Variants in SUCO observed in about 807,000 individuals in gnomAD.
SUCO encodes the protein SUN domain containing ossification factor.
A neutral mutation model predicts 148.1 loss-of-function variants in SUCO; 57 were observed. That is an observed-to-expected ratio of 0.38 (90% CI 0.31 to 0.48). SUCO has a LOEUF of 0.48. SUCO is among the 20% of genes least tolerant of loss of function. The pLI, the probability that SUCO is intolerant of heterozygous loss-of-function variation, is 0.96. For synonymous variants in SUCO, 470 were observed against 502.7 expected, an observed-to-expected ratio of 0.93 and a Z score of 0.87; for missense variants, 1,331 against 1,468.2, an observed-to-expected ratio of 0.91 and a Z score of 1.53.
chr1:172,557,240 T>C, intron 4 of SUCO, 40 bp from the exon 5 acceptor site: 1 of 1,599,514 alleles, frequency 6.3e-7, no homozygotes, highest in African/African-American at 1.3e-5. Flanking sequence ...ACCTCAAGTT[T>C]ATTTAATTAC....
intron 17 of SUCO, among the ~76,000 whole-genome samples, chr1:172,586,484 A>C (rs952203227): frequency 6.6e-6 from 1 of 152,118 alleles, no homozygotes; most frequent in Non-Finnish European, 1.5e-5. Flanking sequence ...TAGGTAATAG[A>C]TATATCTTTT....
chr1:172,534,280 G>A (rs919679579), intron 1 of SUCO, among the ~76,000 whole-genome samples: 4 of 152,156 alleles, frequency 2.6e-5, no homozygotes, highest in African/African-American at 9.7e-5. Flanking sequence ...TAAGTCGAGG[G>A]ACTGCTGTCA....
intron 1 of SUCO, chr1:172,542,861 T>C: frequency 1.0e-6 from 1 of 985,380 alleles, no homozygotes; most frequent in South Asian, 4.7e-5. Context: ...GTCATTTAAG[T>C]GGTCAACAAT....
chr1:172,604,630 C>A (rs1357844240), intron 22 of SUCO, among the ~76,000 whole-genome samples: 1 of 151,724 alleles, frequency 6.6e-6, no homozygotes, highest in Non-Finnish European at 1.5e-5. Flanking sequence ...CGAATGTTTT[C>A]GTCTTGCAAA....
At chr1:172,585,672 T>C (rs1203559278) in intron 16 of SUCO, among the ~76,000 whole-genome samples, 186 bp from the exon 17 acceptor site, 1 of 152,200 alleles carries the variant, frequency 6.6e-6, no homozygotes, top group African/African-American at 2.4e-5. Context: ...TGAGAAACGA[T>C]ATATATTACT....
intron 1 of SUCO, among the ~76,000 whole-genome samples, chr1:172,545,358 C>G (rs2149221697): frequency 6.6e-6 from 1 of 152,200 alleles, no homozygotes. Flanking sequence ...AACTAAAAAC[C>G]ATGAGAGTAC....
intron 19 of SUCO, among the ~76,000 whole-genome samples, chr1:172,591,611 ATCC>A (rs1166337046): frequency 2.0e-5 from 3 of 151,666 alleles, no homozygotes; most frequent in Non-Finnish European, 4.4e-5. Flanking sequence ...ACATGAACTC[ATCC>A]TTTTTTATGG....
In SUCO at chr1:172,610,286, A is replaced by G. The variant is rs746122296; in HGVS notation, c.*27A>G. On this transcript the variant is annotated 3_prime_UTR_variant, in exon 24 of 24. Transcript: ENST00000263688. The stretch of plus-strand genomic sequence containing the variant: ...ATTAATTGAACTTTTCATACAGAAG[A>G]CTTTTTTGTTGTTGTTCTTTGAAGA... 3 of 1,544,376 alleles carry G rather than the reference A, an allele frequency of 1.9e-6. No individual in the cohort carries two copies. Among genetic ancestry groups the G allele is most frequent in the Non-Finnish European group, 2.6e-6 (3 of 1,150,542 alleles).
At chr1:172,582,734 T>TA (rs1304854565) in intron 15 of SUCO, among the ~76,000 whole-genome samples, 8 of 152,232 alleles carry the variant, frequency 5.3e-5, no homozygotes, top group Non-Finnish European at 8.8e-5. Context: ...ACAAAAAAGA[T>TA]ACATTAGGCA....
At chr1:172,590,067 A>C (rs748512064) in intron 18 of SUCO, 141 bp downstream of exon 18, 2 of 655,444 alleles carry the variant, frequency 3.1e-6, no homozygotes, top group East Asian at 3.2e-5. Context: ...AGAGAGAAAG[A>C]AAGCTACTTG....
intron 15 of SUCO, chr1:172,584,374 A>AT (rs1656089404): frequency 5.3e-6 from 5 of 946,278 alleles, no homozygotes; most frequent in Non-Finnish European, 6.3e-6. Context: ...TGGTCATCAC[A>AT]TTTTTTTCCC....
Position 172,589,755 on chromosome 1 carries a change from C to CTGT in SUCO, c.2654_2655insTGT (p.Thr885_Asp886insVal). On this transcript the variant is annotated inframe_insertion, in exon 18 of 24. Coordinates refer to ENST00000263688, the MANE Select transcript of SUCO (RefSeq NM_014283.5). ...TTGAGAGGGTTACAGAGGACAGCTA[C>CTGT]AGATTTTTATGCTGAATTGCAAAAT... 1 of 1,612,162 alleles carries CTGT rather than the reference C, an allele frequency of 6.2e-7. No homozygotes were observed. The highest frequency in any genetic ancestry group is 8.5e-7 in the Non-Finnish European group (1 of 1,179,268).
chr1:172,534,756 T>G (rs929150483), intron 1 of SUCO, among the ~76,000 whole-genome samples: 3 of 152,232 alleles, frequency 2.0e-5, no homozygotes, highest in Non-Finnish European at 2.9e-5. Flanking sequence ...AATTTAAATT[T>G]GTAGATACTG....
Position 172,540,395 on chromosome 1 carries a change from T to TAAAAGAAATAC in SUCO, c.62+6899_62+6909dup, listed in dbSNP as rs373695092. Among the ~76,000 whole-genome samples the TAAAAGAAATAC allele has an allele frequency of 7.2e-3, 1,096 of 152,350 alleles. 7 individuals carry two copies. Among genetic ancestry groups the TAAAAGAAATAC allele is most frequent in the African/African-American group, 0.025 (1,044 of 41,578 alleles). On this transcript the variant is annotated intron_variant, in intron 1 of 23. Coordinates refer to ENST00000263688, the MANE Select transcript of SUCO (RefSeq NM_014283.5). ...ACATTGGAATTGTTCATGAAACTTT[T>TAAAAGAAATAC]AAAAGAAATACGCATACCTAGGATT... is the stretch of plus-strand genomic sequence containing the variant.
chr1:172,566,994 A>G (rs545628956), intron 6 of SUCO, among the ~76,000 whole-genome samples: 5 of 152,182 alleles, frequency 3.3e-5, no homozygotes, highest in Non-Finnish European at 7.4e-5. Context: ...TTTTTCTGCC[A>G]TGTATTGTTT....
Position 172,601,285 on chromosome 1 carries a change from G to T in SUCO, c.3019-779G>T, listed in dbSNP as rs113591411. Among the ~76,000 whole-genome samples, 542 of 152,126 alleles carry T rather than the reference G, an allele frequency of 3.6e-3. 3 individuals are homozygous for T. Among genetic ancestry groups the T allele is most frequent in the African/African-American group, 0.011 (474 of 41,512 alleles). ...TGGTCAGATCACTCGAGGTCAGGAG[G>T]TGGAGACCAGCCTCGCCAACATGAT... is the stretch of plus-strand genomic sequence containing the variant. On this transcript the variant is annotated intron_variant, in intron 20 of 23. Transcript: ENST00000263688.
At chr1:172,575,214 C>T (rs928962715) in intron 10 of SUCO, among the ~76,000 whole-genome samples, 1 of 151,938 alleles carries the variant, frequency 6.6e-6, no homozygotes, top group Non-Finnish European at 1.5e-5. Context: ...AGCTGTGCCA[C>T]CTTCTTCCAA....
intron 17 of SUCO, chr1:172,588,027 C>T (rs1442454659): frequency 1.1e-6 from 1 of 909,332 alleles, no homozygotes; most frequent in Non-Finnish European, 1.3e-6. Flanking sequence ...TTAATAGCAG[C>T]ACTGTTAGCA....
chr1:172,598,462 G>C (rs1220042036), intron 19 of SUCO, among the ~76,000 whole-genome samples: 1 of 152,158 alleles, frequency 6.6e-6, no homozygotes. Context: ...GGCTCAGCTT[G>C]TTAATCTCTA....
Sources: allele counts gnomAD v4.1 joint callset (sites outside exome capture counted in the v4.1 genomes callset), GRCh38; gene constraint gnomAD v4.1.1; transcripts MANE v1.5; gene names NCBI Gene and HGNC (gene_info 2026-07-23, HGNC 2026-07-21).